Variants in YEATS2 observed in about 807,000 individuals in gnomAD.
YEATS2 encodes the protein YEATS domain containing 2.
In YEATS2, 77 loss-of-function variants were observed where a neutral mutation model predicts 163.2. The observed-to-expected ratio is 0.47, with a 90% CI of 0.39 to 0.57. YEATS2 has a LOEUF of 0.57. YEATS2 is among the 20% of genes least tolerant of loss of function. The probability of loss-of-function intolerance (pLI) is 0.00; values close to 1 mark genes in which losing one functional copy is unlikely to be tolerated. For missense variants in YEATS2, 1,549 were observed against 1,729.8 expected, an observed-to-expected ratio of 0.90 and a Z score of 1.85; for synonymous variants, 631 against 645.1, an observed-to-expected ratio of 0.98 and a Z score of 0.33.
intron 22 of YEATS2, among the ~76,000 whole-genome samples, chr3:183,798,405 G>A (rs1253367300): frequency 1.3e-5 from 2 of 152,192 alleles, no homozygotes; most frequent in African/African-American, 4.8e-5. Flanking sequence ...CAGAGCTGGA[G>A]TGCAGTGGCA....
chr3:183,716,031 C>T (rs1715825582), intron 2 of YEATS2, among the ~76,000 whole-genome samples: 1 of 152,018 alleles, frequency 6.6e-6, no homozygotes, highest in Admixed American at 6.6e-5. Context: ...GTGATCTCGG[C>T]TCACTGCAAG....
At chr3:183,750,957 G>A (rs1720096799) in intron 9 of YEATS2, among the ~76,000 whole-genome samples, 1 of 152,136 alleles carries the variant, frequency 6.6e-6, no homozygotes, top group South Asian at 2.1e-4. Flanking sequence ...TAAGTTTGAT[G>A]TCCCGTTTGT....
At chr3:183,766,470 G>C (rs1275764317) in intron 15 of YEATS2, among the ~76,000 whole-genome samples, 1 of 152,192 alleles carries the variant, frequency 6.6e-6, no homozygotes, top group African/African-American at 2.4e-5. Context: ...ATTCTGACTT[G>C]CCACAGGTAT....
chr3:183,782,328 C>T (rs1019080119), intron 19 of YEATS2, among the ~76,000 whole-genome samples: 5 of 151,928 alleles, frequency 3.3e-5, no homozygotes, highest in African/African-American at 9.7e-5. Flanking sequence ...AGGCTGGTCT[C>T]GAACTCCTGA....
Position 183,811,631 on chromosome 3 carries a change from C to T in YEATS2, c.*1048C>T, listed in dbSNP as rs762735446. The T allele has an allele frequency of 6.6e-6, 1 of 152,602 alleles. No homozygotes were observed. Among genetic ancestry groups the T allele is most frequent in the Non-Finnish European group, 1.5e-5 (1 of 68,094 alleles). 9.5% of individuals were successfully genotyped at this position (152,602 alleles called of 1,614,324 possible). A position where few individuals can be genotyped will look rare whatever the true frequency, so the allele number is the denominator to read the frequency against. ...AGTGCCCAGAAGCAGTGAGATTAGTCTGTGTCCACAAGCAGAGGCCCCCTC... is the reference window on the plus strand; with the variant it reads ...AGTGCCCAGAAGCAGTGAGATTAGTTTGTGTCCACAAGCAGAGGCCCCCTC... On this transcript the variant is annotated 3_prime_UTR_variant, in exon 31 of 31. Transcript: ENST00000305135.
chr3:183,808,958 C>T, intron 29 of YEATS2, 139 bp from the exon 30 acceptor site: 2 of 719,886 alleles, frequency 2.8e-6, no homozygotes, highest in South Asian at 1.7e-5. Flanking sequence ...TTATTGAGGC[C>T]TTTAATTTTT....
chr3:183,733,376 G>GTCAC (rs1446833271), intron 7 of YEATS2, among the ~76,000 whole-genome samples: 1 of 152,136 alleles, frequency 6.6e-6, no homozygotes, highest in African/African-American at 2.4e-5. Context: ...TGTTTCAGTT[G>GTCAC]TCACTTGTGT....
intron 1 of YEATS2, among the ~76,000 whole-genome samples, chr3:183,698,973 G>C (rs1713785288): frequency 6.6e-6 from 1 of 152,128 alleles, no homozygotes; most frequent in South Asian, 2.1e-4. Flanking sequence ...GCCCTGATAA[G>C]GAGTTTAGTT....
chr3:183,803,397 A>C, intron 26 of YEATS2, 62 bp downstream of exon 26: 2 of 1,418,722 alleles, frequency 1.4e-6, no homozygotes, highest in Non-Finnish European at 2.0e-6. Flanking sequence ...TGGAACAGGG[A>C]TAAGATTGCA....
At chr3:183,763,431 A>G (rs1721583305) in intron 15 of YEATS2, among the ~76,000 whole-genome samples, 1 of 152,262 alleles carries the variant, frequency 6.6e-6, no homozygotes, top group Non-Finnish European at 1.5e-5. Context: ...GTCATTGACT[A>G]AAACATCGTT....
chr3:183,795,426 C>CG (rs1725045723), intron 21 of YEATS2, among the ~76,000 whole-genome samples: 1 of 147,218 alleles, frequency 6.8e-6, no homozygotes, highest in Non-Finnish European at 1.5e-5. Context: ...ATGGCTGGTA[C>CG]TACAGGGGCA....
intron 15 of YEATS2, among the ~76,000 whole-genome samples, chr3:183,770,775 A>G (rs911524937): frequency 6.6e-6 from 1 of 151,772 alleles, no homozygotes; most frequent in Non-Finnish European, 1.5e-5. Context: ...TTTTTCTGCA[A>G]CTCCCTTTTC....
At chr3:183,782,038 A>G (rs1243699496) in intron 19 of YEATS2, among the ~76,000 whole-genome samples, 4 of 152,136 alleles carry the variant, frequency 2.6e-5, no homozygotes, top group South Asian at 4.1e-4. Context: ...CTGTTATTCA[A>G]CGTAATGTTT....
At chr3:183,721,655 C>T (rs1716501999) in intron 4 of YEATS2, among the ~76,000 whole-genome samples, 1 of 152,268 alleles carries the variant, frequency 6.6e-6, no homozygotes, top group Non-Finnish European at 1.5e-5. Context: ...CTCCGGAAGA[C>T]CCTACATCTC....
intron 15 of YEATS2, among the ~76,000 whole-genome samples, chr3:183,770,257 G>A (rs577183981): frequency 6.6e-6 from 1 of 151,750 alleles, no homozygotes; most frequent in Non-Finnish European, 1.5e-5. Context: ...GCGTGGTGGC[G>A]CCTGTAGTCC....
At chr3:183,738,391 C>CTTTTT (rs1173865612) in intron 8 of YEATS2, among the ~76,000 whole-genome samples, 3 of 74,048 alleles carry the variant, frequency 4.1e-5, no homozygotes, top group Non-Finnish European at 5.8e-5. Flanking sequence ...AGGAAAAGTT[C>CTTTTT]TTTTTTTTTT....
chr3:183,810,933 C>T lies in YEATS2; in HGVS notation c.*350C>T. 1 of 212,660 alleles carries T rather than the reference C, an allele frequency of 4.7e-6. No individual in the cohort carries two copies. The highest frequency in any genetic ancestry group is 5.4e-5 in the Admixed American group (1 of 18,432). 13.2% of individuals were successfully genotyped at this position (212,660 alleles called of 1,614,324 possible). A position where few individuals can be genotyped will look rare whatever the true frequency, so the allele number is the denominator to read the frequency against. On this transcript the variant is annotated 3_prime_UTR_variant, in exon 31 of 31. Transcript: ENST00000305135. ...AGGGGGCTCCTTGGGCCCGCCTCCC[C>T]AGGAGGTAGAAAATGAGTGGCAGGC...
chr3:183,748,909 T>C (rs891509646), intron 9 of YEATS2, among the ~76,000 whole-genome samples: 3 of 152,092 alleles, frequency 2.0e-5, no homozygotes, highest in Non-Finnish European at 4.4e-5. Context: ...TTGGTTCATA[T>C]ATATATGTGT....
At chr3:183,756,755 C>A in intron 12 of YEATS2, 66 bp downstream of exon 12, 1 of 1,282,460 alleles carries the variant, frequency 7.8e-7, no homozygotes, top group East Asian at 2.8e-5. Context: ...GTAATCCTGC[C>A]ATGACTTGGT....
Sources: gnomAD v4.1 joint callset for allele counts (sites outside exome capture counted in the v4.1 genomes callset) on GRCh38, gnomAD v4.1.1 for gene constraint, MANE v1.5 for transcripts, NCBI Gene and HGNC (gene_info 2026-07-23, HGNC 2026-07-21) for gene names.